Variants in SRGAP2B observed in about 807,000 individuals in gnomAD.
SRGAP2B encodes SLIT-ROBO Rho GTPase activating protein 2B.
A neutral mutation model predicts 22.2 loss-of-function variants in SRGAP2B; 9 were observed. The ratio of observed to expected loss-of-function variants is 0.41; its 90% confidence interval spans 0.24 to 0.71. The LOEUF (loss-of-function observed/expected upper bound fraction) is 0.71. Ranked by LOEUF, SRGAP2B falls within the 30% of genes least tolerant of loss-of-function variation. SRGAP2B has a pLI of 0.35. For synonymous variants in SRGAP2B, 36 were observed against 87.4 expected, an observed-to-expected ratio of 0.41 and a Z score of 3.28; for missense variants, 114 against 235.8, an observed-to-expected ratio of 0.48 and a Z score of 3.38.
At chr1:145,067,284 G>C (rs1480450090) in intron 2 of SRGAP2B, among the ~76,000 whole-genome samples, 1 of 141,454 alleles carries the variant, frequency 7.1e-6, no homozygotes, top group African/African-American at 2.7e-5. Flanking sequence ...ACAAGACTCT[G>C]TCTAAAAAAA....
At chr1:144,976,384 CAGAT>C (rs1467978522) in intron 3 of SRGAP2B, among the ~76,000 whole-genome samples, 16 of 140,312 alleles carry the variant, frequency 1.1e-4, no homozygotes, top group Admixed American at 2.1e-4. Flanking sequence ...AATATACAGA[CAGAT>C]AAAGAAATAG....
intron 4 of SRGAP2B, among the ~76,000 whole-genome samples, chr1:144,927,051 G>A (rs1303574218): frequency 1.3e-5 from 2 of 150,928 alleles, no homozygotes; most frequent in East Asian, 3.9e-4. Context: ...CCGGCTTCAC[G>A]CCATTCTCCT....
At chr1:144,921,369 T>TG (rs1279517878) in intron 4 of SRGAP2B, among the ~76,000 whole-genome samples, 1 of 147,276 alleles carries the variant, frequency 6.8e-6, no homozygotes, top group African/African-American at 2.6e-5. Flanking sequence ...AAGTTACTAA[T>TG]GGATATTTCA....
chr1:145,020,675 A>G (rs1162382023), intron 2 of SRGAP2B, among the ~76,000 whole-genome samples: 1 of 147,470 alleles, frequency 6.8e-6, no homozygotes, highest in African/African-American at 2.7e-5. Flanking sequence ...CTGATACATG[A>G]TCATCAAAAA....
At chr1:144,960,507 T>A (rs879981987) in intron 3 of SRGAP2B, among the ~76,000 whole-genome samples, 3 of 150,298 alleles carry the variant, frequency 2.0e-5, no homozygotes, top group Non-Finnish European at 4.4e-5. Flanking sequence ...CTTGGACTAT[T>A]TATGGACGTT....
rs1662885548 is a variant in SRGAP2B at position 144,905,090 on chromosome 1, C to T, written c.831+1G>A. On this transcript the variant is annotated splice_donor_variant, in intron 7 of 9. Transcript: ENST00000612199. LOFTEE classifies it high-confidence loss of function. ...TCAGGCCCTTGGCTTTAAGCACTTA[C>T]ATCAATAAGGTCAGATAGGTCATGG... The T allele has an allele frequency of 2.7e-6, 2 of 745,818 alleles. No individual in the cohort carries two copies. Among genetic ancestry groups the T allele is most frequent in the South Asian group, 1.5e-5 (1 of 68,770 alleles). 46.2% of individuals were successfully genotyped at this position (745,818 alleles called of 1,614,324 possible).
At chr1:144,940,685 C>T (rs1275364485) in intron 4 of SRGAP2B, among the ~76,000 whole-genome samples, 1 of 148,158 alleles carries the variant, frequency 6.7e-6, no homozygotes, top group Non-Finnish European at 1.5e-5. Flanking sequence ...CGCCTGTAAT[C>T]CCGGCTACTC....
chr1:144,906,081 G>A lies in SRGAP2B; in HGVS notation c.487-7C>T, dbSNP rs1662971235. The A allele has an allele frequency of 2.8e-6, 2 of 710,224 alleles. No individual in the cohort carries two copies. Among genetic ancestry groups the A allele is most frequent in the Non-Finnish European group, 2.6e-6 (1 of 384,180 alleles). The allele number at this position is 710,224 out of a possible 1,614,324, so 44.0% of individuals were successfully genotyped here. ...TGTGATATGTCTTCATGACCTGCAA[G>A]ACATCGCCCACCCCCACCCCCAGAG... On this transcript the variant is annotated splice_polypyrimidine_tract_variant and splice_region_variant and intron_variant, in intron 5 of 9. Coordinates refer to ENST00000612199, the Ensembl canonical transcript of SRGAP2B.
chr1:144,941,572 T>C (rs1324808426), intron 4 of SRGAP2B, among the ~76,000 whole-genome samples: 2 of 148,246 alleles, frequency 1.3e-5, no homozygotes, highest in African/African-American at 5.1e-5. Context: ...TAGGATCTAG[T>C]AGAAAAACTA....
intron 2 of SRGAP2B, among the ~76,000 whole-genome samples, chr1:145,022,581 G>C (rs1489527468): frequency 6.7e-6 from 1 of 148,284 alleles, no homozygotes; most frequent in East Asian, 2.0e-4. Flanking sequence ...GAGTATACCA[G>C]TCAGAGATCA....
At chr1:144,993,560 T>C (rs1670426773) in intron 3 of SRGAP2B, among the ~76,000 whole-genome samples, 1 of 149,314 alleles carries the variant, frequency 6.7e-6, no homozygotes, top group Non-Finnish European at 1.5e-5. Flanking sequence ...AAAATAAAAA[T>C]AGCTGGGTAT....
intron 2 of SRGAP2B, among the ~76,000 whole-genome samples, chr1:145,089,393 G>C (rs1171941994): frequency 2.0e-5 from 3 of 147,678 alleles, no homozygotes. Flanking sequence ...CTCTGGGGTA[G>C]GGTTGGGGCT....
chr1:145,057,041 G>T (rs1309758987), intron 2 of SRGAP2B, among the ~76,000 whole-genome samples: 1 of 143,948 alleles, frequency 6.9e-6, no homozygotes, highest in Non-Finnish European at 1.5e-5. Flanking sequence ...AAAGTCATTT[G>T]GGTCACCTTT....
chr1:144,933,129 C>T (rs1553344075), intron 4 of SRGAP2B, among the ~76,000 whole-genome samples: 13 of 151,364 alleles, frequency 8.6e-5, no homozygotes, highest in Non-Finnish European at 4.4e-5. Flanking sequence ...GTGAGTATTA[C>T]GGGCCAGAAG....
chr1:144,971,913 T>G lies in SRGAP2B; in HGVS notation c.261-16312A>C, dbSNP rs1298025289. Among the ~76,000 whole-genome samples the G allele has an allele frequency of 4.7e-5, 7 of 149,964 alleles. 1 individual carries two copies. Among genetic ancestry groups the G allele is most frequent in the African/African-American group, 1.8e-4 (7 of 39,758 alleles). On this transcript the variant is annotated intron_variant, in intron 3 of 9. Coordinates refer to ENST00000612199, the Ensembl canonical transcript of SRGAP2B. ...TAGTAACCGTTTTCTTATTTCATTG[T>G]GGTGGTTATTACATTTCATTCAAAA...
chr1:144,951,117 C>T (rs1348375706), intron 4 of SRGAP2B, among the ~76,000 whole-genome samples: 5 of 150,680 alleles, frequency 3.3e-5, no homozygotes, highest in Admixed American at 1.3e-4. Context: ...CAAAGCGCTG[C>T]GATTACAGGC....
chr1:144,907,147 G>A (rs1240440740), intron 5 of SRGAP2B, among the ~76,000 whole-genome samples: 4 of 149,184 alleles, frequency 2.7e-5, no homozygotes, highest in Non-Finnish European at 5.9e-5. Context: ...GCGTGTGTGT[G>A]TGTGTGTGTG....
At chr1:144,925,284 A>G (rs1404533249) in intron 4 of SRGAP2B, among the ~76,000 whole-genome samples, 2 of 148,796 alleles carry the variant, frequency 1.3e-5, no homozygotes, top group African/African-American at 5.2e-5. Flanking sequence ...TGATTACAGG[A>G]GTGAGCCACC....
At chr1:145,062,995 C>T (rs1332052132) in intron 2 of SRGAP2B, among the ~76,000 whole-genome samples, 1 of 149,914 alleles carries the variant, frequency 6.7e-6, no homozygotes, top group Non-Finnish European at 1.5e-5. Context: ...GTCGTATTAA[C>T]GACTTACTTG....
Sources: allele counts gnomAD v4.1 joint callset (sites outside exome capture counted in the v4.1 genomes callset), GRCh38; gene constraint gnomAD v4.1.1; transcripts MANE v1.5; gene names NCBI Gene and HGNC (gene_info 2026-07-23, HGNC 2026-07-21).